NTNG1: variants seen among roughly 807,000 people sequenced by gnomAD.
The protein encoded by NTNG1 is netrin G1, also known as netrin-G1.
NTNG1 carries 16 observed loss-of-function variants against 54.0 expected under a neutral mutation model. The observed-to-expected ratio is 0.30, with a 90% CI of 0.20 to 0.45. The LOEUF is 0.45. NTNG1 is among the 20% of genes least tolerant of loss of function. The probability of loss-of-function intolerance (pLI) is 1.00; values close to 1 mark genes in which losing one functional copy is unlikely to be tolerated. For missense variants in NTNG1, 530 were observed against 678.7 expected (o/e 0.78, Z 2.43); for synonymous variants, 255 against 263.1 (o/e 0.97, Z 0.30).
At chr1:107,424,308 A>G (rs533366130) in intron 5 of NTNG1, among the ~76,000 whole-genome samples, 5 of 152,226 alleles carry the variant, frequency 3.3e-5, no homozygotes, top group African/African-American at 1.2e-4. Flanking sequence ...TTTGAAGAGC[A>G]ACATGGAGGC....
At chr1:107,177,590 C>T (rs1656740850) in intron 2 of NTNG1, among the ~76,000 whole-genome samples, 1 of 152,118 alleles carries the variant, frequency 6.6e-6, no homozygotes, top group Non-Finnish European at 1.5e-5. Flanking sequence ...GCCTCAGCCT[C>T]CCAAAGTGCT....
chr1:107,451,291 T>A (rs1341504967), intron 7 of NTNG1, among the ~76,000 whole-genome samples: 1 of 152,054 alleles, frequency 6.6e-6, no homozygotes. Flanking sequence ...TAAAAAGATT[T>A]TTTAAAAATA....
At chr1:107,350,750 C>T (rs1013611565) in intron 3 of NTNG1, among the ~76,000 whole-genome samples, 1 of 152,122 alleles carries the variant, frequency 6.6e-6, no homozygotes, top group African/African-American at 2.4e-5. Context: ...CACAGAAAGA[C>T]AATGCTGCAG....
rs568018843 is a variant in NTNG1, at chr1:107,462,699, C to A, written c.1391-17912C>A. Among the ~76,000 whole-genome samples, 3 of 152,288 alleles carry A rather than the reference C, an allele frequency of 2.0e-5. No homozygotes were observed. In the South Asian group the frequency reaches 6.2e-4, roughly 32 times the overall value. ...ATATCTCTTCTAAGGAGAAAAGGAA[C>A]TAACATTTAAGAAGTTCTTACTGTT... On this transcript the variant is annotated intron_variant, in intron 7 of 7. Coordinates refer to ENST00000370068, the MANE Select transcript of NTNG1 (RefSeq NM_001113226.3).
At chr1:107,298,666 T>G (rs1239356101) in intron 2 of NTNG1, among the ~76,000 whole-genome samples, 1 of 152,172 alleles carries the variant, frequency 6.6e-6, no homozygotes, top group Non-Finnish European at 1.5e-5. Flanking sequence ...CAGGATGCAA[T>G]CAATAGTGTC....
chr1:107,220,973 G>T (rs1036669727), intron 2 of NTNG1, among the ~76,000 whole-genome samples: 1 of 151,740 alleles, frequency 6.6e-6, no homozygotes, highest in African/African-American at 2.4e-5. Context: ...ATTATCAATG[G>T]ATATTATTAT....
At chr1:107,474,438 T>G (rs1678182238) in intron 7 of NTNG1, among the ~76,000 whole-genome samples, 1 of 152,178 alleles carries the variant, frequency 6.6e-6, no homozygotes. Flanking sequence ...TGTAAATGGG[T>G]GTTTATCCTC....
intron 2 of NTNG1, among the ~76,000 whole-genome samples, chr1:107,304,980 T>C (rs1312362475): frequency 6.6e-6 from 1 of 152,178 alleles, no homozygotes; most frequent in Non-Finnish European, 1.5e-5. Context: ...AGTGAGAACA[T>C]GTGGTGTTTG....
At chr1:107,256,928 G>C (rs1049799612) in intron 2 of NTNG1, among the ~76,000 whole-genome samples, 1 of 151,496 alleles carries the variant, frequency 6.6e-6, no homozygotes, top group African/African-American at 2.4e-5. Context: ...TTTTTTTATT[G>C]TCCAAACTGA....
intron 2 of NTNG1, among the ~76,000 whole-genome samples, chr1:107,181,260 T>C (rs1000983069): frequency 2.6e-5 from 4 of 152,148 alleles, no homozygotes; most frequent in Non-Finnish European, 5.9e-5. Flanking sequence ...ACAATGACAG[T>C]GAGTTCTAAA....
chr1:107,233,971 T>A (rs1468421240), intron 2 of NTNG1, among the ~76,000 whole-genome samples: 1 of 152,164 alleles, frequency 6.6e-6, no homozygotes, highest in East Asian at 1.9e-4. Flanking sequence ...GCTGAACTAA[T>A]TTTGCCTGTA....
chr1:107,419,532 T>C (rs1158581066), intron 5 of NTNG1, among the ~76,000 whole-genome samples: 1 of 151,890 alleles, frequency 6.6e-6, no homozygotes, highest in East Asian at 1.9e-4. Context: ...GTTAAATTTA[T>C]ATTAACATCT....
intron 3 of NTNG1, among the ~76,000 whole-genome samples, 187 bp from the exon 4 acceptor site, chr1:107,394,967 C>A (rs1038562921): frequency 6.6e-6 from 1 of 152,134 alleles, no homozygotes; most frequent in Non-Finnish European, 1.5e-5. Flanking sequence ...ATTGTAACAA[C>A]CCTGCCCCCT....
chr1:107,305,563 T>C (rs1026470170), intron 2 of NTNG1, among the ~76,000 whole-genome samples: 38 of 152,124 alleles, frequency 2.5e-4, no homozygotes, highest in African/African-American at 8.9e-4. Flanking sequence ...TTTATATACT[T>C]CACCCACTTT....
At chr1:107,259,790 G>A (rs72699336) in intron 2 of NTNG1, among the ~76,000 whole-genome samples, 2,004 of 152,040 alleles carry the variant, frequency 0.013, 21 homozygotes, top group Non-Finnish European at 0.02. Context: ...TATATCTTTC[G>A]CAGACTGATT....
At chr1:107,261,787 G>A (rs931774062) in intron 2 of NTNG1, among the ~76,000 whole-genome samples, 5 of 152,194 alleles carry the variant, frequency 3.3e-5, no homozygotes, top group Non-Finnish European at 2.9e-5. Context: ...AGCTTGCAGT[G>A]AGCTGAGATC....
chr1:107,306,532 C>T (rs1356895262), intron 2 of NTNG1, among the ~76,000 whole-genome samples: 1 of 152,152 alleles, frequency 6.6e-6, no homozygotes, highest in Non-Finnish European at 1.5e-5. Flanking sequence ...AGGCAGATCA[C>T]CTGAGGTCAG....
chr1:107,286,185 G>C (rs1570587408), intron 2 of NTNG1, among the ~76,000 whole-genome samples: 1 of 152,060 alleles, frequency 6.6e-6, no homozygotes, highest in African/African-American at 2.4e-5. Flanking sequence ...AGGTGCCATG[G>C]GAAAATGAAA....
At chr1:107,152,583 A>G (rs184948819) in intron 2 of NTNG1, among the ~76,000 whole-genome samples, 1 of 152,342 alleles carries the variant, frequency 6.6e-6, no homozygotes, top group Non-Finnish European at 1.5e-5. Flanking sequence ...GGAAGAACTC[A>G]TGTGTGTTTA....
Sources: gnomAD v4.1 joint callset for allele counts (sites outside exome capture counted in the v4.1 genomes callset) on GRCh38, gnomAD v4.1.1 for gene constraint, MANE v1.5 for transcripts, NCBI Gene and HGNC (gene_info 2026-07-23, HGNC 2026-07-21) for gene names.